The following PRKG1 variants were observed in gnomAD, a reference collection of about 807,000 sequenced individuals.
PRKG1 encodes cGMP-dependent protein kinase 1.
Under a neutral mutation model 88.1 loss-of-function variants are expected in PRKG1, and 35 were observed. That is an observed-to-expected ratio of 0.40 (90% CI 0.30 to 0.53). The LOEUF is 0.53. Ranked by LOEUF, PRKG1 falls within the 20% of genes least tolerant of loss-of-function variation. The pLI, the probability that PRKG1 is intolerant of heterozygous loss-of-function variation, is 0.59. For missense variants in PRKG1, 540 were observed against 839.8 expected, an observed-to-expected ratio of 0.64 and a Z score of 4.41; for synonymous variants, 303 against 292.5, an observed-to-expected ratio of 1.04 and a Z score of -0.37.
At chr10:51,984,989 T>C (rs978818785) in intron 5 of PRKG1, among the ~76,000 whole-genome samples, 6 of 152,192 alleles carry the variant, frequency 3.9e-5, no homozygotes, top group Admixed American at 2.6e-4. Context: ...AAAAGTTGCA[T>C]ATTAGATTGC....
At chr10:51,943,532 A>T (rs892405138) in intron 5 of PRKG1, among the ~76,000 whole-genome samples, 4 of 152,020 alleles carry the variant, frequency 2.6e-5, no homozygotes, top group Non-Finnish European at 5.9e-5. Context: ...GTCTTATGCC[A>T]GTTTTCAAAG....
intron 1 of PRKG1, among the ~76,000 whole-genome samples, chr10:51,137,701 T>C (rs1440869560): frequency 6.6e-6 from 1 of 152,178 alleles, no homozygotes; most frequent in East Asian, 1.9e-4. Flanking sequence ...CAAATCCCAT[T>C]GAAAGTTGGA....
At chr10:52,277,245 G>A (rs763731222) in intron 12 of PRKG1, among the ~76,000 whole-genome samples, 1 of 152,082 alleles carries the variant, frequency 6.6e-6, no homozygotes, top group Non-Finnish European at 1.5e-5. Context: ...AAAGTGAAAA[G>A]AACAGAGATT....
chr10:51,619,531 C>T (rs1361207090), intron 3 of PRKG1, among the ~76,000 whole-genome samples: 1 of 152,164 alleles, frequency 6.6e-6, no homozygotes, highest in East Asian at 1.9e-4. Context: ...TCAAGTCAAA[C>T]CCTCTCAGTT....
At chr10:51,753,938 C>G (rs1482882712) in intron 3 of PRKG1, among the ~76,000 whole-genome samples, 1 of 151,970 alleles carries the variant, frequency 6.6e-6, no homozygotes, top group East Asian at 1.9e-4. Context: ...TGTCTTTGAT[C>G]GTTTTGTTGT....
intron 9 of PRKG1, among the ~76,000 whole-genome samples, chr10:52,199,028 C>T (rs1368249993): frequency 6.6e-6 from 1 of 152,054 alleles, no homozygotes; most frequent in East Asian, 1.9e-4. Context: ...GAGAATGCTA[C>T]TTTGAACACA....
chr10:50,997,054 C>A (rs564969947), intron 1 of PRKG1, among the ~76,000 whole-genome samples: 1 of 152,088 alleles, frequency 6.6e-6, no homozygotes, highest in Non-Finnish European at 1.5e-5. Context: ...TGCTTTCAGT[C>A]AAGGCTGTAC....
At chr10:51,821,943 C>T (rs930177782) in intron 4 of PRKG1, among the ~76,000 whole-genome samples, 1 of 152,016 alleles carries the variant, frequency 6.6e-6, no homozygotes, top group African/African-American at 2.4e-5. Context: ...CAAGTAATCC[C>T]ATTTCTGAAT....
At chr10:51,435,699 G>A (rs1306186409) in intron 2 of PRKG1, among the ~76,000 whole-genome samples, 1 of 151,880 alleles carries the variant, frequency 6.6e-6, no homozygotes, top group Non-Finnish European at 1.5e-5. Context: ...GTGCTGGGAG[G>A]TGGGAATAGT....
At chr10:51,878,274 C>T (rs1010533438) in intron 4 of PRKG1, among the ~76,000 whole-genome samples, 2 of 140,866 alleles carry the variant, frequency 1.4e-5, no homozygotes, top group African/African-American at 5.4e-5. Flanking sequence ...GTATCCAGCA[C>T]TGCTCACCAT....
intron 3 of PRKG1, among the ~76,000 whole-genome samples, chr10:51,644,382 T>G (rs186670817): frequency 3.3e-4 from 51 of 152,320 alleles, no homozygotes; most frequent in African/African-American, 1.2e-3. Flanking sequence ...GCTTAATGTC[T>G]AGATCCATTT....
chr10:51,283,480 G>T (rs1006054779), intron 2 of PRKG1, among the ~76,000 whole-genome samples: 1 of 152,154 alleles, frequency 6.6e-6, no homozygotes, highest in South Asian at 2.1e-4. Flanking sequence ...TAGAGCTATT[G>T]GGCCATTATA....
intron 3 of PRKG1, among the ~76,000 whole-genome samples, chr10:51,676,677 T>A (rs1016291246): frequency 4.6e-5 from 7 of 152,206 alleles, no homozygotes; most frequent in African/African-American, 1.4e-4. Flanking sequence ...CTGATTTATT[T>A]ATTTGTTTTC....
At chr10:51,102,838 A>T (rs1023408196) in intron 1 of PRKG1, among the ~76,000 whole-genome samples, 21 of 152,192 alleles carry the variant, frequency 1.4e-4, no homozygotes, top group African/African-American at 5.1e-4. Flanking sequence ...AGAAACACAC[A>T]CACATACACA....
intron 2 of PRKG1, among the ~76,000 whole-genome samples, chr10:51,191,803 A>G (rs1233279148): frequency 2.0e-5 from 3 of 151,970 alleles, no homozygotes; most frequent in African/African-American, 4.8e-5. Flanking sequence ...TCTTATAAAG[A>G]AGATTGCTTA....
At chr10:51,581,599 AT>A (rs1245659252) in intron 3 of PRKG1, among the ~76,000 whole-genome samples, 5 of 152,134 alleles carry the variant, frequency 3.3e-5, no homozygotes, top group Non-Finnish European at 5.9e-5. Flanking sequence ...CTACATGTCC[AT>A]TCATAGGCTC....
chr10:51,158,608 C>T (rs1204806346), intron 2 of PRKG1, among the ~76,000 whole-genome samples: 1 of 151,932 alleles, frequency 6.6e-6, no homozygotes. Context: ...TTCATACTGA[C>T]CTCTCTGTAG....
chr10:52,175,537 C>A (rs956588570), intron 9 of PRKG1, among the ~76,000 whole-genome samples: 8 of 151,932 alleles, frequency 5.3e-5, no homozygotes, highest in African/African-American at 1.7e-4. Flanking sequence ...ATCATATAGT[C>A]ATTTTCTTTT....
intron 3 of PRKG1, among the ~76,000 whole-genome samples, chr10:51,750,170 A>G (rs1285105203): frequency 6.6e-6 from 1 of 152,060 alleles, no homozygotes; most frequent in Admixed American, 6.6e-5. Flanking sequence ...TCCTGACCTC[A>G]GGTGATCCAC....
Sources: gnomAD v4.1 joint callset for allele counts (sites outside exome capture counted in the v4.1 genomes callset) on GRCh38, gnomAD v4.1.1 for gene constraint, MANE v1.5 for transcripts, NCBI Gene and HGNC (gene_info 2026-07-23, HGNC 2026-07-21) for gene names.